Variants in TTC7B observed in about 807,000 individuals in gnomAD.
TTC7B encodes tetratricopeptide repeat protein 7B.
A neutral mutation model predicts 106.8 loss-of-function variants in TTC7B; 28 were observed. The ratio of observed to expected loss-of-function variants is 0.26; its 90% CI spans 0.19 to 0.36. The LOEUF (loss-of-function observed/expected upper bound fraction) is 0.36. TTC7B is among the 10% of genes least tolerant of loss of function. TTC7B has a pLI of 1.00. For missense variants in TTC7B, 862 were observed against 1,076.4 expected (o/e 0.80, Z 2.79); for synonymous variants, 405 against 430.6 (o/e 0.94, Z 0.74).
intron 18 of TTC7B, among the ~76,000 whole-genome samples, chr14:90,581,816 T>G (rs1023014560): frequency 1.3e-5 from 2 of 152,168 alleles, no homozygotes; most frequent in African/African-American, 4.8e-5. Flanking sequence ...ATTCCAAGTA[T>G]CTCACTGGTC....
intron 5 of TTC7B, among the ~76,000 whole-genome samples, chr14:90,711,583 A>G (rs1888449462): frequency 6.6e-6 from 1 of 152,172 alleles, no homozygotes. Flanking sequence ...CACCATGCCC[A>G]GATAACTTTT....
intron 16 of TTC7B, among the ~76,000 whole-genome samples, chr14:90,617,155 G>A (rs1398971335): frequency 1.3e-5 from 2 of 152,180 alleles, no homozygotes; most frequent in East Asian, 3.9e-4. Flanking sequence ...CATTGACGGA[G>A]CTACTTTACA....
intron 16 of TTC7B, among the ~76,000 whole-genome samples, chr14:90,611,179 A>G (rs1165219869): frequency 6.6e-6 from 1 of 152,102 alleles, no homozygotes; most frequent in Non-Finnish European, 1.5e-5. Flanking sequence ...CAACCTTAGA[A>G]AGTGAAGTCT....
intron 9 of TTC7B, among the ~76,000 whole-genome samples, chr14:90,668,745 TGTTAAACTATGA>T (rs1467993289): frequency 6.6e-6 from 1 of 151,992 alleles, no homozygotes; most frequent in Admixed American, 6.6e-5. Flanking sequence ...ACAGGTCTGA[TGTTAAACTATGA>T]GGCATTGTTG....
intron 19 of TTC7B, among the ~76,000 whole-genome samples, chr14:90,555,731 C>T (rs1402366955): frequency 4.6e-5 from 7 of 152,226 alleles, no homozygotes; most frequent in Admixed American, 2.6e-4. Context: ...ATGACTTGAC[C>T]TCAACATCAG....
intron 19 of TTC7B, among the ~76,000 whole-genome samples, chr14:90,552,443 T>C (rs549110951): frequency 2.0e-5 from 3 of 152,276 alleles, no homozygotes; most frequent in South Asian, 2.1e-4. Flanking sequence ...CTAAGCCTCA[T>C]ACACAGCAGG....
intron 2 of TTC7B, among the ~76,000 whole-genome samples, chr14:90,785,238 C>T (rs1276598369): frequency 6.6e-6 from 1 of 152,028 alleles, no homozygotes; most frequent in East Asian, 1.9e-4. Context: ...GCATGGCTTC[C>T]CGGGGGGAAG....
At position 90,751,508 on chromosome 14, in the gene TTC7B, G is replaced by A. The variant is rs549389222; in HGVS notation, c.446-6586C>T. ...TTCCTGGGCTCAAAGCAATCCTCCC[G>A]CCTCAGCCTCCTGAGTAGCTGGGAC... is the stretch of plus-strand genomic sequence containing the variant. On this transcript the variant is annotated intron_variant, in intron 3 of 19. Transcript: ENST00000328459. Among the ~76,000 whole-genome samples, 6 of 152,246 alleles carry A rather than the reference G, an allele frequency of 3.9e-5. No homozygotes were observed. The South Asian group carries it at 6.2e-4, about 16-fold the overall frequency.
intron 3 of TTC7B, among the ~76,000 whole-genome samples, chr14:90,753,859 C>T (rs987774895): frequency 5.9e-5 from 9 of 152,210 alleles, no homozygotes; most frequent in Non-Finnish European, 1.2e-4. Flanking sequence ...ATTAGACATT[C>T]CCCTGCTAGA....
At chr14:90,721,847 T>C (rs1888909631) in intron 5 of TTC7B, among the ~76,000 whole-genome samples, 1 of 152,242 alleles carries the variant, frequency 6.6e-6, no homozygotes, top group African/African-American at 2.4e-5. Flanking sequence ...TAGAACAGTA[T>C]TTGGCACTAG....
rs72334377 is a variant in TTC7B at position 90,802,457 on chromosome 14, AAGCAGTGACAGAGGGCGCC to A, written c.121+13699_121+13717del. 0.67 allele frequency among the ~76,000 whole-genome samples: 100,904 copies of A among 151,478 alleles called. 34,451 individuals carry two copies. The highest frequency in any genetic ancestry group is 0.77 in the Middle Eastern group (223 of 290). ...GGCCTCTGAAGGGAGTGAGGGCTCCAAGCAGTGACAGAGGGCGCCAGCAGTGACAGAGGGGAAAGCTGGT... is the reference window on the plus strand; with the variant it reads ...GGCCTCTGAAGGGAGTGAGGGCTCCAAGCAGTGACAGAGGGGAAAGCTGGT... On this transcript the variant is annotated intron_variant, in intron 1 of 19. Transcript: ENST00000328459. This position sits in a 1 kb window ranked among gnomAD's most constrained non-coding sequence, Gnocchi z 4.7.
intron 5 of TTC7B, among the ~76,000 whole-genome samples, chr14:90,724,825 TCATTAACTGAATGAA>T (rs1328633019): frequency 6.6e-6 from 1 of 152,236 alleles, no homozygotes; most frequent in East Asian, 1.9e-4. Flanking sequence ...CAATGAATCC[TCATTAACTGAATGAA>T]CAAATGACCC....
rs1049588918 is a variant in TTC7B, at chr14:90,527,263, G to A, written c.*14105C>T. On this transcript the variant is annotated 3_prime_UTR_variant, in exon 20 of 20. Transcript: ENST00000328459. Reference sequence around the variant, plus strand: ...TCCTGCCAGGTTTCTCTGTGGTAATGTTACTATTTTTCCTATTTCCACATC... The same window carrying A: ...TCCTGCCAGGTTTCTCTGTGGTAATATTACTATTTTTCCTATTTCCACATC... 6.6e-6 allele frequency: 1 copy of A among 152,088 alleles called. No homozygotes were observed. Among genetic ancestry groups the A allele is most frequent in the Non-Finnish European group, 1.5e-5 (1 of 68,028 alleles). The allele number at this position is 152,088 out of a possible 1,614,324, so 9.4% of individuals were successfully genotyped here. A position where few individuals can be genotyped will look rare whatever the true frequency, so the allele number is the denominator to read the frequency against.
At chr14:90,630,908 C>T (rs1488560813) in intron 15 of TTC7B, among the ~76,000 whole-genome samples, 7 of 150,320 alleles carry the variant, frequency 4.7e-5, no homozygotes, top group Non-Finnish European at 1.0e-4. Context: ...GATCTCGGCT[C>T]ACTGCAAGCT....
At chr14:90,784,322 C>G (rs1209520390) in intron 2 of TTC7B, among the ~76,000 whole-genome samples, 1 of 152,176 alleles carries the variant, frequency 6.6e-6, no homozygotes, top group Non-Finnish European at 1.5e-5. Context: ...CTTTGGGAGG[C>G]TGAGGTGGGC....
At chr14:90,715,011 C>A (rs549583485) in intron 5 of TTC7B, among the ~76,000 whole-genome samples, 16 of 152,260 alleles carry the variant, frequency 1.1e-4, no homozygotes, top group Non-Finnish European at 2.2e-4. Context: ...CCTAGTGAGT[C>A]AGTTTCAAGT....
chr14:90,788,800 T>TA (rs1891479431), intron 1 of TTC7B, among the ~76,000 whole-genome samples: 2 of 151,822 alleles, frequency 1.3e-5, no homozygotes, highest in Non-Finnish European at 2.9e-5. Context: ...CTGTCTCTAC[T>TA]AAAAATACAA....
At chr14:90,664,139 T>TC (rs1304596633) in intron 9 of TTC7B, among the ~76,000 whole-genome samples, 1 of 152,224 alleles carries the variant, frequency 6.6e-6, no homozygotes, top group Non-Finnish European at 1.5e-5. Flanking sequence ...TGTTTGCTCA[T>TC]CCCAGTTATG....
chr14:90,655,905 T>C (rs1193101241), intron 11 of TTC7B, among the ~76,000 whole-genome samples: 1 of 152,168 alleles, frequency 6.6e-6, no homozygotes, highest in African/African-American at 2.4e-5. Flanking sequence ...TTTCAAGATG[T>C]ATATGTTACA....
Sources: allele counts gnomAD v4.1 joint callset (sites outside exome capture counted in the v4.1 genomes callset), GRCh38; gene constraint gnomAD v4.1.1; non-coding constraint Gnocchi (gnomAD v3.1); transcripts MANE v1.5; gene names NCBI Gene and HGNC (gene_info 2026-07-23, HGNC 2026-07-21).